CPVL: variants seen among roughly 807,000 people sequenced by gnomAD.
The protein encoded by CPVL is probable serine carboxypeptidase CPVL.
CPVL carries 51 observed loss-of-function variants against 63.7 expected under a neutral mutation model. The ratio of observed to expected loss-of-function variants is 0.80; its 90% CI spans 0.64 to 1.01. The LOEUF is 1.01. Among genes scored for constraint, CPVL ranks in the 50% least tolerant of loss-of-function variants. The pLI is 0.00. For synonymous variants in CPVL, 195 were observed against 206.0 expected, an observed-to-expected ratio of 0.95 and a Z score of 0.46; for missense variants, 530 against 573.1, an observed-to-expected ratio of 0.92 and a Z score of 0.77.
intron 12 of CPVL, among the ~76,000 whole-genome samples, chr7:28,996,961 C>G (rs1347598464): frequency 1.3e-5 from 2 of 152,174 alleles, no homozygotes; most frequent in Admixed American, 6.5e-5. Flanking sequence ...CCAGTTCTGA[C>G]AAATGCAGAC....
At chr7:29,050,820 C>G (rs1414072201) in intron 11 of CPVL, among the ~76,000 whole-genome samples, 9 of 151,124 alleles carry the variant, frequency 6.0e-5, no homozygotes, top group Non-Finnish European at 1.0e-4. Flanking sequence ...AAAAACAAAT[C>G]TGGAGGCATC....
chr7:29,069,487 A>G (rs1478850369), intron 9 of CPVL, among the ~76,000 whole-genome samples: 1 of 151,998 alleles, frequency 6.6e-6, no homozygotes, highest in Non-Finnish European at 1.5e-5. Context: ...GTCAAAAAAT[A>G]ACATGGGTGG....
intron 9 of CPVL, among the ~76,000 whole-genome samples, chr7:29,070,250 C>A (rs899458092): frequency 6.6e-6 from 1 of 152,156 alleles, no homozygotes; most frequent in Non-Finnish European, 1.5e-5. Flanking sequence ...TCTCTGAATA[C>A]ACAACACACC....
chr7:29,183,384 T>G (rs1288188614), intron 4 of CPVL, among the ~76,000 whole-genome samples: 5 of 126,144 alleles, frequency 4.0e-5, no homozygotes, highest in African/African-American at 1.8e-4. Flanking sequence ...GTGCCTAGCC[T>G]TTTTTTTTTT....
chr7:29,143,825 C>G (rs1792158770), intron 1 of CPVL, among the ~76,000 whole-genome samples: 1 of 152,214 alleles, frequency 6.6e-6, no homozygotes, highest in South Asian at 2.1e-4. Context: ...CTACCACCAC[C>G]CTGTCCTGCA....
chr7:29,174,823 G>A (rs551596871), intron 5 of CPVL, among the ~76,000 whole-genome samples: 5 of 147,530 alleles, frequency 3.4e-5, no homozygotes, highest in South Asian at 4.2e-4. Context: ...TTGTGCCATC[G>A]CACTCCAGCC....
At chr7:29,164,234 T>C (rs1223151511) in intron 5 of CPVL, among the ~76,000 whole-genome samples, 1 of 152,206 alleles carries the variant, frequency 6.6e-6, no homozygotes, top group African/African-American at 2.4e-5. Context: ...TGAATTTTCC[T>C]AATGACTAAT....
chr7:29,090,138 C>T lies in CPVL; in HGVS notation c.542+2485G>A, dbSNP rs1785620691. Reference sequence around the variant, plus strand: ...TCGGCCTCCCAAAGTGCTGGGATTACAGGTGTGAGCCACCACACCTGGCCA... The same window carrying T: ...TCGGCCTCCCAAAGTGCTGGGATTATAGGTGTGAGCCACCACACCTGGCCA... On this transcript the variant is annotated intron_variant, in intron 6 of 12. Coordinates refer to ENST00000265394, the MANE Select transcript of CPVL (RefSeq NM_031311.5). Among the ~76,000 whole-genome samples the T allele has an allele frequency of 2.0e-5, 3 of 152,328 alleles. No individual in the cohort carries two copies. The South Asian group carries it at 6.2e-4, about 32-fold the overall frequency.
chr7:28,995,714 T>C lies in CPVL; in HGVS notation c.*58A>G, dbSNP rs11981659. ...TTTTTATTCCTATGACATTTTCTGT[T>C]TTTACGATTTTCTTTTCAGCAATGA... On this transcript the variant is annotated 3_prime_UTR_variant, in exon 13 of 13. Transcript: ENST00000265394. The C allele has an allele frequency of 1.7e-3, 1,789 of 1,024,168 alleles. 19 individuals are homozygous for C. In the African/African-American group the frequency reaches 0.025, roughly 14 times the overall value. The allele number at this position is 1,024,168 out of a possible 1,614,324, so 63.4% of individuals were successfully genotyped here. A position where few individuals can be genotyped will look rare whatever the true frequency, so the allele number is the denominator to read the frequency against.
At chr7:29,188,575 G>A (rs1014987308) in intron 1 of CPVL, among the ~76,000 whole-genome samples, 1 of 151,328 alleles carries the variant, frequency 6.6e-6, no homozygotes, top group Admixed American at 6.6e-5. Flanking sequence ...GTTATTGAAC[G>A]TATAGCTGCT....
intron 11 of CPVL, among the ~76,000 whole-genome samples, chr7:29,061,846 T>A (rs1395996876): frequency 6.6e-6 from 1 of 151,350 alleles, no homozygotes; most frequent in African/African-American, 2.4e-5. Context: ...CTTGAGAGGC[T>A]GAGGCAGGAG....
chr7:29,149,198 T>TTTA (rs1793227067), upstream of CPVL, among the ~76,000 whole-genome samples: 1 of 144,384 alleles, frequency 6.9e-6, no homozygotes, highest in Admixed American at 6.8e-5. Context: ...CCTTTTTTTT[T>TTTA]TTTTTTTTTT....
intron 5 of CPVL, among the ~76,000 whole-genome samples, chr7:29,178,743 A>G (rs1192449664): frequency 6.6e-6 from 1 of 152,186 alleles, no homozygotes; most frequent in Non-Finnish European, 1.5e-5. Context: ...GGCATTAATT[A>G]ATTAATTTCA....
intron 11 of CPVL, among the ~76,000 whole-genome samples, chr7:29,041,583 C>CT (rs938966014): frequency 7.2e-6 from 1 of 138,880 alleles, no homozygotes; most frequent in African/African-American, 2.4e-5. Flanking sequence ...TTCTTTCTTT[C>CT]TCCACATCAT....
chr7:29,167,850 G>A (rs895817035), intron 5 of CPVL, among the ~76,000 whole-genome samples: 6 of 152,314 alleles, frequency 3.9e-5, no homozygotes, highest in Non-Finnish European at 8.8e-5. Context: ...AATTGTGAAG[G>A]AATGTCTGCC....
rs754534940 is a variant in CPVL at position 29,064,199 on chromosome 7, C to T, written c.999G>A (p.Leu333=). ...TGGCTTGTCTCACCTCTGGGAGTGA[C>T]AAAAATTTCACATAGTAAAGCTGAT... ...PEDQLYYVKF[L]SLPEVRQAIH... is the part of the protein sequence containing the mutation. Residue 333 remains leucine (L), a synonymous_variant, in exon 11 of 13, where the codon TTG becomes TTA. Coordinates refer to ENST00000265394, the MANE Select transcript of CPVL (RefSeq NM_031311.5). 2 of 1,613,266 alleles carry T rather than the reference C, an allele frequency of 1.2e-6. No individual in the cohort carries two copies. Among genetic ancestry groups the T allele is most frequent in the Non-Finnish European group, 1.7e-6 (2 of 1,179,474 alleles).
At position 29,123,671 on chromosome 7, in the gene CPVL, A is replaced by C. The variant is rs192766188; in HGVS notation, c.-10-2600T>G. On this transcript the variant is annotated intron_variant, in intron 1 of 12. Transcript: ENST00000265394. ...TATATATATATGCAATATTAAAAAA[A>C]AATAATGGAAGAAGCTCTTCCAGTA... Among the ~76,000 whole-genome samples, 201 of 132,720 alleles carry C rather than the reference A, an allele frequency of 1.5e-3. 1 individual carries two copies. The highest frequency in any genetic ancestry group is 5.5e-3 in the African/African-American group (198 of 36,062). 87.1% of individuals were successfully genotyped at this position (132,720 alleles called of 152,430 possible). A position where few individuals can be genotyped will look rare whatever the true frequency, so the allele number is the denominator to read the frequency against.
At chr7:29,167,051 A>C (rs943069205) in intron 5 of CPVL, among the ~76,000 whole-genome samples, 4 of 152,176 alleles carry the variant, frequency 2.6e-5, no homozygotes, top group Non-Finnish European at 4.4e-5. Context: ...CAAAGTGAAC[A>C]ATGTTTACAA....
intron 5 of CPVL, among the ~76,000 whole-genome samples, chr7:29,155,608 T>C (rs1794253473): frequency 6.6e-6 from 1 of 152,204 alleles, no homozygotes. Context: ...TTTTCTCACC[T>C]CTTTGTCTAG....
Sources: gnomAD v4.1 joint callset for allele counts (sites outside exome capture counted in the v4.1 genomes callset) on GRCh38, gnomAD v4.1.1 for gene constraint, MANE v1.5 for transcripts, NCBI Gene and HGNC (gene_info 2026-07-23, HGNC 2026-07-21) for gene names.